The following SMARCB1 variants were observed in gnomAD, a reference collection of about 807,000 sequenced individuals.
SMARCB1 encodes the protein SWI/SNF-related matrix-associated actin-dependent regulator of chromatin subfamily B member 1.
A neutral mutation model predicts 49.0 loss-of-function variants in SMARCB1; 5 were observed. The observed-to-expected ratio is 0.10, with a 90% CI of 0.05 to 0.21. The LOEUF (loss-of-function observed/expected upper bound fraction) is 0.21. SMARCB1 is among the 10% of genes least tolerant of loss of function. The pLI is 1.00. For synonymous variants in SMARCB1, 201 were observed against 200.1 expected (o/e 1.00, Z -0.04); for missense variants, 226 against 509.2 (o/e 0.44, Z 5.35).
intron 7 of SMARCB1, among the ~76,000 whole-genome samples, chr22:23,832,250 G>T (rs548289165): frequency 6.6e-6 from 1 of 152,270 alleles, no homozygotes; most frequent in South Asian, 2.1e-4. Flanking sequence ...AAGGTCCCTG[G>T]CCCCTAGGAA....
chr22:23,817,289 A>G (rs539665155), intron 6 of SMARCB1: 7 of 391,992 alleles, frequency 1.8e-5, no homozygotes, highest in East Asian at 1.5e-4. Context: ...TAGTGGCCAT[A>G]TTACAGGTGA....
intron 6 of SMARCB1, among the ~76,000 whole-genome samples, chr22:23,822,862 C>T (rs1423351393): frequency 6.6e-6 from 1 of 151,646 alleles, no homozygotes; most frequent in East Asian, 1.9e-4. Flanking sequence ...CTTTCTCCCC[C>T]TCCCTCCCTT....
At chr22:23,791,303 A>G (rs146059749) in intron 1 of SMARCB1, among the ~76,000 whole-genome samples, 24 of 152,370 alleles carry the variant, frequency 1.6e-4, no homozygotes, top group Non-Finnish European at 3.2e-4. Flanking sequence ...TTACTAAACA[A>G]AGCAACACAG....
chr22:23,810,412 CAGCT>C (rs1266253942), intron 5 of SMARCB1, among the ~76,000 whole-genome samples: 2 of 150,358 alleles, frequency 1.3e-5, no homozygotes, highest in Non-Finnish European at 3.0e-5. Context: ...CCTGTAGTCC[CAGCT>C]ACTCAGGAGG....
In SMARCB1 at chr22:23,800,224, A is replaced by C. The variant is rs144443983; in HGVS notation, c.363-720A>C. 2.2e-4 allele frequency among the ~76,000 whole-genome samples: 34 copies of C among 152,370 alleles called. No homozygotes were observed. The East Asian group carries it at 6.2e-3, about 28-fold the overall frequency. On this transcript the variant is annotated intron_variant, in intron 3 of 8. Coordinates refer to ENST00000644036, the MANE Select transcript of SMARCB1 (RefSeq NM_003073.5). The stretch of plus-strand genomic sequence containing the variant: ...AGCCACTGCACCTGGTGCTTTTGGT[A>C]AAAGCAACCTGGAATTTGGGAGAAA...
rs58107569 is a variant in SMARCB1, at chr22:23,797,006, T to C, written c.362+3318T>C. On this transcript the variant is annotated intron_variant, in intron 3 of 8. Coordinates refer to ENST00000644036, the MANE Select transcript of SMARCB1 (RefSeq NM_003073.5). The stretch of plus-strand genomic sequence containing the variant: ...TGGAAGGAAGGTTGTTTTTCTTTTT[T>C]TTTTTTTTTTTGAGACGGAGTCTCG... 5.3e-3 allele frequency among the ~76,000 whole-genome samples: 806 copies of C among 150,786 alleles called. 11 individuals carry two copies. The highest frequency in any genetic ancestry group is 0.019 in the African/African-American group (772 of 41,202).
chr22:23,811,857 CAG>C (rs1380642747), intron 5 of SMARCB1, among the ~76,000 whole-genome samples: 1 of 152,090 alleles, frequency 6.6e-6, no homozygotes, highest in Non-Finnish European at 1.5e-5. Context: ...ACATTGAAAA[CAG>C]AAATCAAACA....
At chr22:23,797,306 TTTA>T (rs371185757) in intron 3 of SMARCB1, among the ~76,000 whole-genome samples, 1 of 146,182 alleles carries the variant, frequency 6.8e-6, no homozygotes, top group African/African-American at 2.5e-5. Flanking sequence ...CCTGTTTTTT[TTTA>T]TTATTATTAT....
intron 1 of SMARCB1, among the ~76,000 whole-genome samples, chr22:23,787,528 C>T (rs1322415238): frequency 2.6e-5 from 4 of 152,190 alleles, no homozygotes; most frequent in African/African-American, 9.7e-5. Flanking sequence ...CCAGTGGTTC[C>T]GCGCTGGGTT....
chr22:23,814,228 G>A (rs189959135), intron 5 of SMARCB1, among the ~76,000 whole-genome samples: 7 of 152,324 alleles, frequency 4.6e-5, no homozygotes, highest in East Asian at 3.9e-4. Flanking sequence ...TATTGGTGGA[G>A]TGACATACCG....
chr22:23,825,743 C>T (rs1474796243), intron 7 of SMARCB1: 5 of 370,876 alleles, frequency 1.3e-5, no homozygotes, highest in African/African-American at 1.0e-4. Flanking sequence ...CCCTCTCTCT[C>T]TGCTCTTGCC....
chr22:23,831,244 T>G (rs2030641124), intron 7 of SMARCB1, among the ~76,000 whole-genome samples: 1 of 152,188 alleles, frequency 6.6e-6, no homozygotes, highest in African/African-American at 2.4e-5. Flanking sequence ...ATTTGTAACT[T>G]GGGGATAATA....
chr22:23,798,076 G>A (rs1394186908), intron 3 of SMARCB1, among the ~76,000 whole-genome samples: 2 of 151,552 alleles, frequency 1.3e-5, no homozygotes, highest in Non-Finnish European at 1.5e-5. Flanking sequence ...GGATGAGGGG[G>A]CAGGGGCTCA....
chr22:23,816,627 T>G, intron 5 of SMARCB1, 143 bp from the exon 6 acceptor site: 1 of 795,638 alleles, frequency 1.3e-6, no homozygotes, highest in Non-Finnish European at 2.2e-6. Flanking sequence ...ACTCCCAGTT[T>G]CCAGGAAGGC....
intron 3 of SMARCB1, among the ~76,000 whole-genome samples, chr22:23,794,162 C>T (rs1466865785): frequency 6.6e-6 from 1 of 152,210 alleles, no homozygotes; most frequent in Non-Finnish European, 1.5e-5. Context: ...AGGCTGGTCT[C>T]GAAACCCCAC....
chr22:23,803,053 C>G, intron 4 of SMARCB1: 2 of 594,856 alleles, frequency 3.4e-6, no homozygotes, highest in East Asian at 5.7e-5. Context: ...TGTTCCAACA[C>G]TGCCCAGGTC....
At position 23,813,219 on chromosome 22, in the gene SMARCB1, G is replaced by A. The variant is rs191220980; in HGVS notation, c.629-3551G>A. 3.1e-3 allele frequency among the ~76,000 whole-genome samples: 475 copies of A among 152,308 alleles called. 2 individuals carry two copies. The highest frequency in any genetic ancestry group is 5.6e-3 in the Admixed American group (85 of 15,308). ...TTGCATGCTTTCTGCCAGAGACCAG[G>A]AACAAGCCAAATATGTCTGCTGTCA... On this transcript the variant is annotated intron_variant, in intron 5 of 8. Coordinates refer to ENST00000644036, the MANE Select transcript of SMARCB1 (RefSeq NM_003073.5).
rs747794500 is a variant in SMARCB1 at position 23,793,583 on chromosome 22, C to A, written c.257C>A (p.Thr86Asn). 6.2e-7 allele frequency: 1 copy of A among 1,614,046 alleles called. No individual in the cohort carries two copies. ...GATCACGGATACACGACTCTAGCCACCAGTGTGACCCTGTTAAAAGCCTCG... is the reference window on the plus strand; with the variant it reads ...GATCACGGATACACGACTCTAGCCAACAGTGTGACCCTGTTAAAAGCCTCG... ...TKDHGYTTLATSVTLLKASEV... is the reference protein window; with the variant it reads ...TKDHGYTTLANSVTLLKASEV... Residue 86 changes from threonine (T) to asparagine (N), a missense_variant, in exon 3 of 9, where the codon ACC becomes AAC. Thr to Asn is a moderately conservative substitution (Grantham distance 65). Transcript: ENST00000644036.
intron 7 of SMARCB1, 40 bp from the exon 8 acceptor site, chr22:23,833,532 C>T: frequency 1.9e-6 from 3 of 1,613,742 alleles, no homozygotes; most frequent in Non-Finnish European, 2.5e-6. Flanking sequence ...CCATCTATAG[C>T]TGGAAAAGTC....
Sources: allele counts gnomAD v4.1 joint callset (sites outside exome capture counted in the v4.1 genomes callset), GRCh38; gene constraint gnomAD v4.1.1; transcripts MANE v1.5; gene names NCBI Gene and HGNC (gene_info 2026-07-23, HGNC 2026-07-21).